GPC5: variants seen among roughly 807,000 people sequenced by gnomAD.
GPC5 encodes the protein glypican-5.
In GPC5, 47 loss-of-function variants were observed where a neutral mutation model predicts 53.9. That is an observed-to-expected ratio of 0.87 (90% CI 0.69 to 1.11). The LOEUF (loss-of-function observed/expected upper bound fraction) is 1.11, where lower values mean the gene tolerates loss of function less well. Among genes scored for constraint, GPC5 ranks in the 50% most tolerant of loss-of-function variants. The pLI, the probability that GPC5 is intolerant of heterozygous loss-of-function variation, is 0.00. For missense variants in GPC5, 748 were observed against 713.1 expected, an observed-to-expected ratio of 1.05 and a Z score of -0.56; for synonymous variants, 286 against 263.3, an observed-to-expected ratio of 1.09 and a Z score of -0.84.
At chr13:91,903,549 G>A (rs1287956599) in intron 5 of GPC5, among the ~76,000 whole-genome samples, 1 of 152,074 alleles carries the variant, frequency 6.6e-6, no homozygotes, top group Non-Finnish European at 1.5e-5. Flanking sequence ...GAACTGTTCT[G>A]ATGTGTATGT....
At chr13:92,816,502 G>A (rs1877482317) in intron 7 of GPC5, among the ~76,000 whole-genome samples, 1 of 152,032 alleles carries the variant, frequency 6.6e-6, no homozygotes, top group Admixed American at 6.5e-5. Context: ...TAGCTACATT[G>A]AGCATGGCCT....
chr13:92,142,090 T>C lies in GPC5; in HGVS notation c.1402-2740T>C, dbSNP rs187433946. 1.2e-3 allele frequency among the ~76,000 whole-genome samples: 185 copies of C among 152,224 alleles called. 1 individual carries two copies. The highest frequency in any genetic ancestry group is 2.0e-3 in the Non-Finnish European group (139 of 68,024). On this transcript the variant is annotated intron_variant, in intron 6 of 7. Transcript: ENST00000377067. ...GAGGGATAGCATTAGGAGAAATACC[T>C]AATATAAATGACAAGTTGATGGGTG...
intron 1 of GPC5, among the ~76,000 whole-genome samples, chr13:91,410,984 C>T (rs1877730170): frequency 6.6e-6 from 1 of 152,088 alleles, no homozygotes; most frequent in Admixed American, 6.5e-5. Flanking sequence ...TGGCACGTGC[C>T]TGTGATCCCA....
chr13:92,013,648 C>G (rs538153290), intron 6 of GPC5, among the ~76,000 whole-genome samples: 1 of 152,308 alleles, frequency 6.6e-6, no homozygotes, highest in East Asian at 1.9e-4. Context: ...CACCAGGGAC[C>G]TGCCCCTGTC....
At chr13:91,581,037 A>C (rs958850935) in intron 2 of GPC5, among the ~76,000 whole-genome samples, 1 of 152,216 alleles carries the variant, frequency 6.6e-6, no homozygotes, top group Middle Eastern at 3.4e-3. Context: ...CTCTTGTAAA[A>C]CCATCAGATC....
At chr13:92,044,875 T>C (rs1288884779) in intron 6 of GPC5, among the ~76,000 whole-genome samples, 1 of 152,166 alleles carries the variant, frequency 6.6e-6, no homozygotes. Flanking sequence ...AAACCCTGGC[T>C]TTGTCCAACT....
At chr13:92,135,536 G>A (rs12866188) in intron 6 of GPC5, among the ~76,000 whole-genome samples, 41,699 of 152,078 alleles carry the variant, frequency 0.27, 7,141 homozygotes, top group South Asian at 0.57. Flanking sequence ...ATTTTGAACC[G>A]GAGGTAAGGA....
At position 92,094,433 on chromosome 13, in the gene GPC5, T is replaced by C. The variant is rs2041404836; in HGVS notation, c.1402-50397T>C. 2.2e-5 allele frequency among the ~76,000 whole-genome samples: 3 copies of C among 136,770 alleles called. No homozygotes were observed. In the Admixed American group the frequency reaches 2.6e-4, roughly 12 times the overall value. 89.7% of individuals were successfully genotyped at this position (136,770 alleles called of 152,430 possible). The stretch of plus-strand genomic sequence containing the variant: ...TACTCAGGTGGCTGAGGCGGGAAAA[T>C]GGCGTTGAACCTGGGAGGCGGAGCT... On this transcript the variant is annotated intron_variant, in intron 6 of 7. Coordinates refer to ENST00000377067, the MANE Select transcript of GPC5 (RefSeq NM_004466.6).
chr13:91,965,326 G>T (rs974542851), intron 6 of GPC5, among the ~76,000 whole-genome samples: 1 of 152,084 alleles, frequency 6.6e-6, no homozygotes, highest in East Asian at 1.9e-4. Context: ...GCTCCAGAAG[G>T]CATTTTGGTT....
At chr13:92,724,124 C>T (rs1405991963) in intron 7 of GPC5, among the ~76,000 whole-genome samples, 1 of 151,284 alleles carries the variant, frequency 6.6e-6, no homozygotes, top group African/African-American at 2.4e-5. Flanking sequence ...GTTAAATTAT[C>T]CTTACTGCTT....
intron 7 of GPC5, among the ~76,000 whole-genome samples, chr13:92,607,314 G>T (rs1049208275): frequency 6.6e-6 from 1 of 152,182 alleles, no homozygotes; most frequent in Non-Finnish European, 1.5e-5. Context: ...CTCTGGAGAA[G>T]AGCAACATAT....
intron 7 of GPC5, among the ~76,000 whole-genome samples, chr13:92,644,749 T>G (rs1420527284): frequency 6.6e-6 from 1 of 152,174 alleles, no homozygotes; most frequent in Non-Finnish European, 1.5e-5. Flanking sequence ...CATCTGTTTT[T>G]GGAACATGGT....
chr13:92,076,564 A>ATT (rs35009219), intron 6 of GPC5, among the ~76,000 whole-genome samples: 63,691 of 148,054 alleles, frequency 0.43, 14,009 homozygotes, highest in East Asian at 0.77. Context: ...CTAAGCTCAG[A>ATT]TTTTTTTTTT....
chr13:92,353,698 TA>T (rs1428060625), intron 7 of GPC5, among the ~76,000 whole-genome samples: 1 of 152,178 alleles, frequency 6.6e-6, no homozygotes, highest in Non-Finnish European at 1.5e-5. Flanking sequence ...AGTTTAAGAT[TA>T]TTTCAATGAT....
intron 5 of GPC5, among the ~76,000 whole-genome samples, chr13:91,866,087 C>T (rs1318217753): frequency 6.6e-6 from 1 of 152,124 alleles, no homozygotes; most frequent in Non-Finnish European, 1.5e-5. Flanking sequence ...AGGCTGGTCT[C>T]GAACTCCCGA....
chr13:91,854,425 T>C (rs1214335883), intron 5 of GPC5, among the ~76,000 whole-genome samples: 1 of 151,752 alleles, frequency 6.6e-6, no homozygotes, highest in African/African-American at 2.4e-5. Context: ...TTTTAAAATA[T>C]ACAATTAAAT....
chr13:91,556,727 C>T (rs563531666), intron 2 of GPC5, among the ~76,000 whole-genome samples: 1 of 151,982 alleles, frequency 6.6e-6, no homozygotes, highest in African/African-American at 2.4e-5. Context: ...GAGTAAAAAA[C>T]CAAACGTTGT....
intron 7 of GPC5, among the ~76,000 whole-genome samples, chr13:92,617,968 A>G (rs900449143): frequency 1.3e-5 from 2 of 152,162 alleles, no homozygotes; most frequent in African/African-American, 4.8e-5. Flanking sequence ...GGCAATAGCT[A>G]AAAGATAGCT....
chr13:92,605,048 T>C (rs972319239), intron 7 of GPC5, among the ~76,000 whole-genome samples: 1 of 152,198 alleles, frequency 6.6e-6, no homozygotes, highest in Non-Finnish European at 1.5e-5. Flanking sequence ...AATTGCTGAA[T>C]TATTGAACAC....
Sources: gnomAD v4.1 joint callset for allele counts (sites outside exome capture counted in the v4.1 genomes callset) on GRCh38, gnomAD v4.1.1 for gene constraint, MANE v1.5 for transcripts, NCBI Gene and HGNC (gene_info 2026-07-23, HGNC 2026-07-21) for gene names.